LRRC4C: variants seen among roughly 807,000 people sequenced by gnomAD.
LRRC4C encodes leucine-rich repeat-containing protein 4C.
Under a neutral mutation model 33.6 loss-of-function variants are expected in LRRC4C, and 5 were observed. The ratio of observed to expected loss-of-function variants is 0.15; its 90% CI spans 0.08 to 0.31. The LOEUF is 0.31. Among genes scored for constraint, LRRC4C ranks in the 10% least tolerant of loss-of-function variants. LRRC4C has a pLI of 1.00. For missense variants in LRRC4C, 560 were observed against 796.7 expected, an observed-to-expected ratio of 0.70 and a Z score of 3.58; for synonymous variants, 329 against 302.0, an observed-to-expected ratio of 1.09 and a Z score of -0.93.
intron 1 of LRRC4C, among the ~76,000 whole-genome samples, chr11:41,044,333 A>G (rs7924453): frequency 2.6e-4 from 39 of 152,082 alleles, no homozygotes; most frequent in Admixed American, 2.6e-4. Context: ...TTTTCCAAAG[A>G]CTCTGTCAAC....
At chr11:41,422,911 T>A (rs1347294528) in intron 1 of LRRC4C, among the ~76,000 whole-genome samples, 1 of 152,096 alleles carries the variant, frequency 6.6e-6, no homozygotes, top group Non-Finnish European at 1.5e-5. Context: ...AGTGGGTGAA[T>A]GATTTTTAAA....
At chr11:40,604,246 C>T (rs570458260) in intron 3 of LRRC4C, among the ~76,000 whole-genome samples, 1 of 152,220 alleles carries the variant, frequency 6.6e-6, no homozygotes, top group African/African-American at 2.4e-5. Flanking sequence ...TGATAGCTTT[C>T]AAAATCTGTA....
At position 40,820,341 on chromosome 11, in the gene LRRC4C, A is replaced by G. The variant is rs371124432; in HGVS notation, c.-407+113294T>C. Among the ~76,000 whole-genome samples the G allele has an allele frequency of 1.2e-4, 18 of 152,130 alleles. 1 individual carries two copies. Among genetic ancestry groups the G allele is most frequent in the African/African-American group, 4.3e-4 (18 of 41,562 alleles). On this transcript the variant is annotated intron_variant, in intron 2 of 6. Coordinates refer to ENST00000528697, the MANE Select transcript of LRRC4C (RefSeq NM_001258419.2). Reference sequence around the variant, plus strand: ...AGTAATTATACATATTTTTTCAGAAATGAAAATTCTCGAGCTGAAAAGCTC... The same window carrying G: ...AGTAATTATACATATTTTTTCAGAAGTGAAAATTCTCGAGCTGAAAAGCTC...
chr11:41,069,972 C>T (rs11530058), intron 1 of LRRC4C, among the ~76,000 whole-genome samples: 66,788 of 151,826 alleles, frequency 0.44, 14,858 homozygotes, highest in East Asian at 0.55. Context: ...CAATCCTAAA[C>T]AAAAAGAACA....
At chr11:40,470,984 T>C (rs1952903694) in intron 3 of LRRC4C, among the ~76,000 whole-genome samples, 1 of 152,054 alleles carries the variant, frequency 6.6e-6, no homozygotes, top group Non-Finnish European at 1.5e-5. Flanking sequence ...CAGGAGAACT[T>C]TCCAAACCTA....
intron 3 of LRRC4C, among the ~76,000 whole-genome samples, chr11:40,615,828 T>C (rs1019368478): frequency 2.0e-5 from 3 of 151,764 alleles, no homozygotes; most frequent in Non-Finnish European, 4.4e-5. Flanking sequence ...TGTCAGGAAA[T>C]GTTTTGTTTG....
intron 1 of LRRC4C, among the ~76,000 whole-genome samples, chr11:41,259,048 A>G (rs1948891539): frequency 6.6e-6 from 1 of 152,084 alleles, no homozygotes. Context: ...AGCATCCGTA[A>G]GAGCAGACTA....
chr11:41,075,025 T>TAA (rs1565359450), intron 1 of LRRC4C, among the ~76,000 whole-genome samples: 1 of 12,002 alleles, frequency 8.3e-5, no homozygotes, highest in Non-Finnish European at 2.1e-4. Flanking sequence ...TTTTTTTTTT[T>TAA]TTTTTTTTTT....
intron 2 of LRRC4C, among the ~76,000 whole-genome samples, chr11:40,744,824 A>G (rs1262950732): frequency 6.6e-6 from 1 of 152,118 alleles, no homozygotes; most frequent in Non-Finnish European, 1.5e-5. Flanking sequence ...ATTGTCTACA[A>G]AATTTTTTGG....
intron 1 of LRRC4C, among the ~76,000 whole-genome samples, chr11:41,138,819 G>A (rs1943377356): frequency 6.6e-6 from 1 of 152,108 alleles, no homozygotes; most frequent in African/African-American, 2.4e-5. Context: ...TACACAAAAA[G>A]AATATTATCA....
chr11:40,861,539 G>T (rs559402538), intron 2 of LRRC4C, among the ~76,000 whole-genome samples: 1 of 152,136 alleles, frequency 6.6e-6, no homozygotes, highest in Non-Finnish European at 1.5e-5. Context: ...AGAGGAACCC[G>T]AAGGAGTAAG....
chr11:41,306,852 A>G (rs1378107630), intron 1 of LRRC4C, among the ~76,000 whole-genome samples: 2 of 152,320 alleles, frequency 1.3e-5, no homozygotes, highest in East Asian at 3.9e-4. Context: ...TTGCTTATCT[A>G]GTACCCAATG....
In LRRC4C at chr11:41,022,142, T is replaced by TTTTA. The variant is rs1555043562; in HGVS notation, c.-495-88420_-495-88419insTAAA. Among the ~76,000 whole-genome samples the TTTTA allele has an allele frequency of 4.1e-3, 573 of 139,056 alleles. 2 individuals are homozygous for TTTTA. The highest frequency in any genetic ancestry group is 5.6e-3 in the South Asian group (25 of 4,462). 91.2% of individuals were successfully genotyped at this position (139,056 alleles called of 152,430 possible). A position where few individuals can be genotyped will look rare whatever the true frequency, so the allele number is the denominator to read the frequency against. On this transcript the variant is annotated intron_variant, in intron 1 of 6. Coordinates refer to ENST00000528697, the MANE Select transcript of LRRC4C (RefSeq NM_001258419.2). The stretch of plus-strand genomic sequence containing the variant: ...AATTTTATGAGCTTACAATTTTGTT[T>TTTTA]TATATATATATATATATATATATGT...
At chr11:41,447,050 A>T (rs1043926419) in intron 1 of LRRC4C, among the ~76,000 whole-genome samples, 1 of 152,220 alleles carries the variant, frequency 6.6e-6, no homozygotes, top group African/African-American at 2.4e-5. Flanking sequence ...CGTTTTAATT[A>T]TGCAGAAGAT....
intron 5 of LRRC4C, among the ~76,000 whole-genome samples, chr11:40,216,070 A>G (rs1863954090): frequency 6.6e-6 from 1 of 152,194 alleles, no homozygotes. Flanking sequence ...TCCTAACTTC[A>G]CTACTGGAGC....
At chr11:41,258,550 G>A (rs1352515175) in intron 1 of LRRC4C, among the ~76,000 whole-genome samples, 1 of 151,824 alleles carries the variant, frequency 6.6e-6, no homozygotes, top group Non-Finnish European at 1.5e-5. Flanking sequence ...ACCTTATTGT[G>A]TTTTAATTTT....
intron 2 of LRRC4C, among the ~76,000 whole-genome samples, chr11:40,748,598 C>T (rs180989952): frequency 4.8e-4 from 73 of 151,792 alleles, no homozygotes; most frequent in Non-Finnish European, 8.8e-4. Flanking sequence ...ACAAAAGAAC[C>T]AAAAAACAAT....
chr11:41,088,287 G>C (rs889813158), intron 1 of LRRC4C, among the ~76,000 whole-genome samples: 1 of 152,018 alleles, frequency 6.6e-6, no homozygotes, highest in Non-Finnish European at 1.5e-5. Flanking sequence ...TTCAGACCTT[G>C]GCTTCTTCAT....
At chr11:40,656,405 A>G (rs1943114659) in intron 2 of LRRC4C, among the ~76,000 whole-genome samples, 1 of 151,928 alleles carries the variant, frequency 6.6e-6, no homozygotes, top group Non-Finnish European at 1.5e-5. Context: ...AACAAGCAGA[A>G]CAGAGAGGCC....
Sources: gnomAD v4.1 joint callset for allele counts (sites outside exome capture counted in the v4.1 genomes callset) on GRCh38, gnomAD v4.1.1 for gene constraint, MANE v1.5 for transcripts, NCBI Gene and HGNC (gene_info 2026-07-23, HGNC 2026-07-21) for gene names.